Variants in CALN1 observed in about 807,000 individuals in gnomAD.
CALN1 encodes calcium-binding protein 8.
Under a neutral mutation model 30.6 loss-of-function variants are expected in CALN1, and 17 were observed. The ratio of observed to expected loss-of-function variants is 0.56; its 90% CI spans 0.38 to 0.83. The LOEUF is 0.83. Ranked by LOEUF, CALN1 falls within the 40% of genes least tolerant of loss-of-function variation. The pLI, the probability that CALN1 is intolerant of heterozygous loss-of-function variation, is 0.00. For missense variants in CALN1, 291 were observed against 354.9 expected (o/e 0.82, Z 1.45); for synonymous variants, 156 against 131.4 (o/e 1.19, Z -1.28).
intron 3 of CALN1, among the ~76,000 whole-genome samples, chr7:72,156,705 A>G (rs576178237): frequency 1.3e-5 from 2 of 152,324 alleles, no homozygotes; most frequent in African/African-American, 4.8e-5. Context: ...CTACTGGGGC[A>G]AAGTGTTCTG....
intron 3 of CALN1, among the ~76,000 whole-genome samples, chr7:72,244,461 G>A (rs1216674910): frequency 6.6e-6 from 1 of 152,054 alleles, no homozygotes; most frequent in Non-Finnish European, 1.5e-5. Flanking sequence ...TAATCCAGTA[G>A]AGGAACTAAA....
intron 5 of CALN1, among the ~76,000 whole-genome samples, chr7:71,864,906 G>C (rs1791499664): frequency 6.6e-6 from 1 of 152,102 alleles, no homozygotes; most frequent in Admixed American, 6.5e-5. Flanking sequence ...GGGAAGTTGA[G>C]GTGGGAGAAT....
intron 3 of CALN1, among the ~76,000 whole-genome samples, chr7:72,133,606 A>C (rs1367922188): frequency 6.6e-6 from 1 of 152,222 alleles, no homozygotes; most frequent in Non-Finnish European, 1.5e-5. Context: ...GGATATTCAT[A>C]TAGTTTCAAA....
chr7:72,191,427 C>A (rs1790592181), intron 3 of CALN1, among the ~76,000 whole-genome samples: 1 of 151,932 alleles, frequency 6.6e-6, no homozygotes, highest in Admixed American at 6.6e-5. Context: ...CACAGTGAAA[C>A]CCCGTCTGTA....
intron 5 of CALN1, among the ~76,000 whole-genome samples, chr7:71,922,487 A>AT (rs1794996979): frequency 6.9e-6 from 1 of 144,578 alleles, no homozygotes; most frequent in Non-Finnish European, 1.5e-5. Flanking sequence ...ATATATTAAT[A>AT]TAATATATAA....
chr7:72,381,698 C>CAGGGGCAT (rs1804911954), intron 2 of CALN1, among the ~76,000 whole-genome samples: 2 of 152,174 alleles, frequency 1.3e-5, no homozygotes, highest in Admixed American at 1.3e-4. Flanking sequence ...TGGGGCCTGT[C>CAGGGGCAT]AGGGGCATGG....
intron 2 of CALN1, among the ~76,000 whole-genome samples, chr7:72,370,255 G>C (rs1003550827): frequency 6.6e-6 from 1 of 152,098 alleles, no homozygotes; most frequent in Non-Finnish European, 1.5e-5. Context: ...TTTGCCATCT[G>C]TATATCTTTT....
intron 4 of CALN1, among the ~76,000 whole-genome samples, chr7:72,035,989 G>C (rs1487409154): frequency 6.6e-6 from 1 of 152,102 alleles, no homozygotes; most frequent in Non-Finnish European, 1.5e-5. Flanking sequence ...GTAAATTTCA[G>C]CCTGAAGGAC....
At chr7:72,224,224 G>C (rs1793510969) in intron 3 of CALN1, among the ~76,000 whole-genome samples, 1 of 152,022 alleles carries the variant, frequency 6.6e-6, no homozygotes, top group Non-Finnish European at 1.5e-5. Flanking sequence ...AAATCTTCTA[G>C]GAGAATTAAA....
chr7:72,032,669 A>C (rs1273814223), intron 4 of CALN1, among the ~76,000 whole-genome samples: 1 of 152,214 alleles, frequency 6.6e-6, no homozygotes, highest in Non-Finnish European at 1.5e-5. Context: ...AGAGATAGCT[A>C]TCAGGAGCTT....
chr7:72,309,933 C>T (rs1035339531), intron 2 of CALN1, among the ~76,000 whole-genome samples: 1 of 152,142 alleles, frequency 6.6e-6, no homozygotes, highest in African/African-American at 2.4e-5. Flanking sequence ...AACTCCGATG[C>T]CCTCCAAGGG....
rs1443168764 is a variant in CALN1 at position 72,261,441 on chromosome 7, T to TA, written c.244+17244dup. 3.9e-5 allele frequency among the ~76,000 whole-genome samples: 6 copies of TA among 151,958 alleles called. No homozygotes were observed. The South Asian group carries it at 6.2e-4, about 16-fold the overall frequency. The stretch of plus-strand genomic sequence containing the variant: ...TATTTCAGAAGCTTTTTTTTTTTCT[T>TA]AGAGTATCACTCTGTTGCCAAGGCT... On this transcript the variant is annotated intron_variant, in intron 3 of 6. Transcript: ENST00000395275.
intron 2 of CALN1, among the ~76,000 whole-genome samples, chr7:72,397,703 C>G (rs1214524316): frequency 7.6e-6 from 1 of 131,036 alleles, no homozygotes; most frequent in Non-Finnish European, 1.6e-5. Context: ...TTGGAGAGCA[C>G]CCATTCTCTC....
At chr7:72,250,931 A>G (rs572206492) in intron 3 of CALN1, among the ~76,000 whole-genome samples, 1 of 151,886 alleles carries the variant, frequency 6.6e-6, no homozygotes, top group South Asian at 2.1e-4. Flanking sequence ...TCCTTTTCCA[A>G]CCTCTGTGAG....
chr7:72,281,988 T>C (rs1380093653), intron 2 of CALN1, among the ~76,000 whole-genome samples: 1 of 152,124 alleles, frequency 6.6e-6, no homozygotes, highest in Non-Finnish European at 1.5e-5. Context: ...GTTCATTTAG[T>C]CTCTGCATTC....
chr7:72,355,330 A>C (rs1045314247), intron 2 of CALN1, among the ~76,000 whole-genome samples: 3 of 151,898 alleles, frequency 2.0e-5, no homozygotes, highest in Non-Finnish European at 4.4e-5. Context: ...GTTCAAGACC[A>C]GCCTGGCCAA....
At chr7:71,788,861 C>T (rs954631293) in intron 6 of CALN1, among the ~76,000 whole-genome samples, 6 of 151,346 alleles carry the variant, frequency 4.0e-5, no homozygotes, top group Non-Finnish European at 7.4e-5. Flanking sequence ...GGTTTCACCA[C>T]GTTAGCCAGG....
At chr7:71,828,908 C>T (rs964710614) in intron 5 of CALN1, among the ~76,000 whole-genome samples, 1 of 151,682 alleles carries the variant, frequency 6.6e-6, no homozygotes, top group African/African-American at 2.4e-5. Context: ...ACCACCACAC[C>T]CAGCTAATTT....
chr7:72,160,166 G>A (rs1033027885), intron 3 of CALN1, among the ~76,000 whole-genome samples: 6 of 152,182 alleles, frequency 3.9e-5, no homozygotes, highest in Non-Finnish European at 7.3e-5. Flanking sequence ...ATGCTAGGGA[G>A]AGATTAGATT....
Sources: allele counts gnomAD v4.1 joint callset (sites outside exome capture counted in the v4.1 genomes callset), GRCh38; gene constraint gnomAD v4.1.1; transcripts MANE v1.5; gene names NCBI Gene and HGNC (gene_info 2026-07-23, HGNC 2026-07-21).